RBPJ: variants seen among roughly 807,000 people sequenced by gnomAD.
RBPJ encodes recombining binding protein suppressor of hairless.
In RBPJ, 9 loss-of-function variants were observed where a neutral mutation model predicts 67.8. The observed-to-expected ratio is 0.13, with a 90% CI of 0.08 to 0.23. The LOEUF is 0.23. RBPJ is among the 10% of genes least tolerant of loss of function. The pLI is 1.00. For synonymous variants in RBPJ, 198 were observed against 203.3 expected (o/e 0.97, Z 0.22); for missense variants, 305 against 595.6 (o/e 0.51, Z 5.08).
At chr4:26,247,004 T>A (rs1028106288) in intron 1 of RBPJ, among the ~76,000 whole-genome samples, 3 of 146,560 alleles carry the variant, frequency 2.0e-5, no homozygotes, top group African/African-American at 7.7e-5. Context: ...AGACAGGGTC[T>A]CCCTCTCACC....
At chr4:26,380,095 C>T (rs1357513236) in intron 1 of RBPJ, among the ~76,000 whole-genome samples, 1 of 152,120 alleles carries the variant, frequency 6.6e-6, no homozygotes, top group African/African-American at 2.4e-5. Context: ...GTGTCTTATT[C>T]TTCTTGTGTG....
At chr4:26,410,848 A>G (rs1413226266) in intron 3 of RBPJ, among the ~76,000 whole-genome samples, 3 of 152,234 alleles carry the variant, frequency 2.0e-5, no homozygotes, top group Non-Finnish European at 4.4e-5. Context: ...GAAAATAAAG[A>G]CAACTGTGAA....
chr4:26,430,383 A>T lies in RBPJ; in HGVS notation c.1045-36A>T. On this transcript the variant is annotated intron_variant, in intron 9 of 10. Transcript: ENST00000355476. The surrounding 1 kb of genome is among the most constrained non-coding windows in gnomAD (Gnocchi z 4.1). Reference sequence around the variant, plus strand: ...TTGTGTACTTTAATGAAAAATGAAAAGTTTTCTCAGTGTTGTGATTTTCTG... The same window carrying T: ...TTGTGTACTTTAATGAAAAATGAAATGTTTTCTCAGTGTTGTGATTTTCTG... 1 of 1,516,596 alleles carries T rather than the reference A, an allele frequency of 6.6e-7. No homozygotes were observed. The highest frequency in any genetic ancestry group is 9.1e-7 in the Non-Finnish European group (1 of 1,094,386). 93.9% of individuals were successfully genotyped at this position (1,516,596 alleles called of 1,614,324 possible).
intron 1 of RBPJ, among the ~76,000 whole-genome samples, chr4:26,183,309 T>C (rs111568979): frequency 2.6e-5 from 4 of 152,218 alleles, no homozygotes; most frequent in African/African-American, 9.7e-5. Flanking sequence ...ACCACCCTCA[T>C]ATATGTGGCC....
At chr4:26,367,537 T>C (rs1006172116) in intron 1 of RBPJ, among the ~76,000 whole-genome samples, 1 of 152,172 alleles carries the variant, frequency 6.6e-6, no homozygotes, top group Non-Finnish European at 1.5e-5. Context: ...GTATAATAGG[T>C]GCTTCTTCAA....
chr4:26,400,895 A>G (rs1732710487), intron 2 of RBPJ, among the ~76,000 whole-genome samples: 1 of 152,246 alleles, frequency 6.6e-6, no homozygotes, highest in Non-Finnish European at 1.5e-5. Flanking sequence ...GTAAGCTTCC[A>G]ATAAATCTTC....
At chr4:26,281,591 G>A (rs1053136359) in intron 1 of RBPJ, among the ~76,000 whole-genome samples, 4 of 152,084 alleles carry the variant, frequency 2.6e-5, no homozygotes, top group Non-Finnish European at 4.4e-5. Flanking sequence ...TCTAAGATAC[G>A]ACCTTTAAAA....
At chr4:26,218,451 G>T (rs1220585753) in intron 1 of RBPJ, among the ~76,000 whole-genome samples, 2 of 152,050 alleles carry the variant, frequency 1.3e-5, no homozygotes, top group Non-Finnish European at 2.9e-5. Context: ...CCCCCCGAAG[G>T]GTACCTAATC....
intron 1 of RBPJ, among the ~76,000 whole-genome samples, chr4:26,250,585 GGCTTCCCAAAGT>G (rs1394762354): frequency 1.2e-4 from 18 of 152,090 alleles, no homozygotes; most frequent in African/African-American, 4.3e-4. Context: ...CACCCACCTT[GGCTTCCCAAAGT>G]GCTGGGACAC....
chr4:26,318,116 AAC>A (rs201135772), upstream of RBPJ, among the ~76,000 whole-genome samples: 3 of 151,122 alleles, frequency 2.0e-5, no homozygotes, highest in South Asian at 2.1e-4. Context: ...GGCAAACACA[AAC>A]ACACACACAC....
intron 1 of RBPJ, among the ~76,000 whole-genome samples, chr4:26,254,350 T>C (rs966474038): frequency 6.7e-6 from 1 of 148,990 alleles, no homozygotes; most frequent in Non-Finnish European, 1.5e-5. Flanking sequence ...ATCCCTCTTG[T>C]TCACTGTGCT....
intron 1 of RBPJ, among the ~76,000 whole-genome samples, chr4:26,200,607 G>T (rs62409695): frequency 1.4e-3 from 210 of 151,922 alleles, no homozygotes; most frequent in Non-Finnish European, 2.3e-3. Context: ...TGAGGTTATG[G>T]CTGCAGTCAG....
upstream of RBPJ, among the ~76,000 whole-genome samples, chr4:26,159,295 A>G (rs1012061330): frequency 5.9e-5 from 9 of 152,202 alleles, no homozygotes; most frequent in African/African-American, 2.2e-4. Context: ...TAAGGTCACA[A>G]GAGTCTTGAT....
In RBPJ at chr4:26,369,241, A is replaced by G. The variant is rs534934611; in HGVS notation, c.21-17112A>G. On this transcript the variant is annotated intron_variant, in intron 1 of 10. Transcript: ENST00000355476. The stretch of plus-strand genomic sequence containing the variant: ...ATATAAGAAGGTAATCTTATTTTGA[A>G]ATGATTTCAATTTCTAGAAATTTGT... 5.9e-5 allele frequency among the ~76,000 whole-genome samples: 9 copies of G among 152,340 alleles called. No homozygotes were observed. The East Asian group carries it at 9.6e-4, about 16-fold the overall frequency.
intron 1 of RBPJ, among the ~76,000 whole-genome samples, chr4:26,192,775 A>G (rs936664984): frequency 2.0e-5 from 3 of 152,138 alleles, no homozygotes; most frequent in African/African-American, 7.2e-5. Flanking sequence ...TATTATTTCC[A>G]TTCCATAATA....
intron 1 of RBPJ, among the ~76,000 whole-genome samples, chr4:26,325,105 G>C (rs1723484524): frequency 6.6e-6 from 1 of 152,238 alleles, no homozygotes; most frequent in Middle Eastern, 3.4e-3. Context: ...ACCATATTCC[G>C]TTTGGTTCCC....
intron 5 of RBPJ, 105 bp downstream of exon 5, chr4:26,420,830 C>T: frequency 1.1e-6 from 1 of 897,876 alleles, no homozygotes; most frequent in Non-Finnish European, 1.6e-6. Context: ...TAATTCTTTA[C>T]TAATATTTTT....
chr4:26,269,041 T>C (rs956644227), intron 1 of RBPJ, among the ~76,000 whole-genome samples: 16 of 152,114 alleles, frequency 1.1e-4, no homozygotes, highest in South Asian at 2.1e-4. Flanking sequence ...GGCAAATGCA[T>C]GTGCTTTAGT....
intron 3 of RBPJ, among the ~76,000 whole-genome samples, chr4:26,410,895 A>G (rs1733945528): frequency 6.6e-6 from 1 of 152,222 alleles, no homozygotes; most frequent in Non-Finnish European, 1.5e-5. Flanking sequence ...ATCGCCACCA[A>G]GTGGCAGAGA....
Sources: gnomAD v4.1 joint callset for allele counts (sites outside exome capture counted in the v4.1 genomes callset) on GRCh38, gnomAD v4.1.1 for gene constraint, Gnocchi (gnomAD v3.1) non-coding constraint, MANE v1.5 for transcripts, NCBI Gene and HGNC (gene_info 2026-07-23, HGNC 2026-07-21) for gene names.